HS3ST3A1: variants seen among roughly 807,000 people sequenced by gnomAD.
The protein encoded by HS3ST3A1 is heparan sulfate glucosamine 3-O-sulfotransferase 3A1.
Under a neutral mutation model 25.7 loss-of-function variants are expected in HS3ST3A1, and 19 were observed. The ratio of observed to expected loss-of-function variants is 0.74; its 90% CI spans 0.52 to 1.08. HS3ST3A1 has a LOEUF of 1.08. HS3ST3A1 is among the 50% of genes least tolerant of loss of function. The probability of loss-of-function intolerance (pLI) is 0.00; values close to 1 mark genes in which losing one functional copy is unlikely to be tolerated. For missense variants in HS3ST3A1, 459 were observed against 594.3 expected (o/e 0.77, Z 2.37); for synonymous variants, 226 against 278.6 (o/e 0.81, Z 1.88).
chr17:13,545,142 G>A (rs1429117655), intron 1 of HS3ST3A1, among the ~76,000 whole-genome samples: 1 of 152,188 alleles, frequency 6.6e-6, no homozygotes, highest in Non-Finnish European at 1.5e-5. Context: ...AGGCATGGAC[G>A]CCTTTATCTT....
intron 1 of HS3ST3A1, among the ~76,000 whole-genome samples, chr17:13,580,337 T>C (rs570763208): frequency 6.6e-6 from 1 of 152,234 alleles, no homozygotes; most frequent in Admixed American, 6.5e-5. Context: ...AAATGACACT[T>C]TGACTTTGAA....
At chr17:13,567,978 G>A (rs1200404285) in intron 1 of HS3ST3A1, among the ~76,000 whole-genome samples, 1 of 152,214 alleles carries the variant, frequency 6.6e-6, no homozygotes, top group Non-Finnish European at 1.5e-5. Flanking sequence ...GAGGTAAAAT[G>A]CTATCAAACA....
intron 1 of HS3ST3A1, among the ~76,000 whole-genome samples, chr17:13,560,089 A>G (rs1260732631): frequency 6.6e-6 from 1 of 151,746 alleles, no homozygotes; most frequent in African/African-American, 2.4e-5. Context: ...CAGGAGTTCA[A>G]GACCAGCCTG....
chr17:13,499,371 T>A (rs1405935269), intron 1 of HS3ST3A1, among the ~76,000 whole-genome samples: 1 of 152,236 alleles, frequency 6.6e-6, no homozygotes, highest in Non-Finnish European at 1.5e-5. Flanking sequence ...GAAGGAAATT[T>A]AATCAGATGC....
chr17:13,571,429 C>T (rs770283013), intron 1 of HS3ST3A1, among the ~76,000 whole-genome samples: 22 of 152,204 alleles, frequency 1.4e-4, no homozygotes, highest in Non-Finnish European at 2.5e-4. Flanking sequence ...AAGTGCTCTA[C>T]GCTTTGACGA....
chr17:13,578,613 T>G (rs922675045), intron 1 of HS3ST3A1, among the ~76,000 whole-genome samples: 2 of 151,154 alleles, frequency 1.3e-5, no homozygotes, highest in Admixed American at 1.3e-4. Context: ...GTCTGAAAAT[T>G]TATTCAATCT....
intron 1 of HS3ST3A1, among the ~76,000 whole-genome samples, chr17:13,529,500 G>A (rs1189051324): frequency 1.3e-5 from 2 of 152,132 alleles, no homozygotes; most frequent in Middle Eastern, 3.2e-3. Context: ...ACAGAGTCCT[G>A]TGGGTTTTTC....
chr17:13,600,664 T>C lies in HS3ST3A1; in HGVS notation c.466A>G (p.Ile156Val). 1 of 1,591,174 alleles carries C rather than the reference T, an allele frequency of 6.3e-7. No individual in the cohort carries two copies. The highest frequency in any genetic ancestry group is 1.1e-5 in the South Asian group (1 of 89,202). ...DEGSKQLPQAIIIGVKKGGTR... is the reference protein window; with the variant it reads ...DEGSKQLPQAVIIGVKKGGTR... ...CCGCCCTTCTTCACTCCGATGATGATGGCCTGCGGCAGCTGCTTGCTGCCT... is the reference window on the plus strand; with the variant it reads ...CCGCCCTTCTTCACTCCGATGATGACGGCCTGCGGCAGCTGCTTGCTGCCT... The change falls in exon 1 of 2, where the codon ATC (isoleucine) becomes GTC (valine). Residue 156 changes from isoleucine to valine, a missense_variant. Physicochemically the swap from Ile to Val is conservative, Grantham distance 29. This residue lies in a region of HS3ST3A1 where 346 missense variants were observed against 303.9 expected (regional missense o/e 1.14). Coordinates refer to ENST00000284110, the MANE Select transcript of HS3ST3A1 (RefSeq NM_006042.3).
chr17:13,531,995 A>C (rs556099964), intron 1 of HS3ST3A1, among the ~76,000 whole-genome samples: 1 of 152,310 alleles, frequency 6.6e-6, no homozygotes, highest in South Asian at 2.1e-4. Flanking sequence ...CAGGGAATCA[A>C]ATGGGATTCA....
rs17661499 is a variant in HS3ST3A1 at position 13,494,573 on chromosome 17, G to A, written c.*1624C>T. Among the ~76,000 whole-genome samples the A allele has an allele frequency of 0.12, 18,215 of 152,098 alleles. 1,233 individuals carry two copies. Among genetic ancestry groups the A allele is most frequent in the Middle Eastern group, 0.2 (58 of 294 alleles). Reference sequence around the variant, plus strand: ...GAATATTATTTTAGAGTGTCTGGTCGTTTAAATTTTGGCAGATAAAGAAAA... The same window carrying A: ...GAATATTATTTTAGAGTGTCTGGTCATTTAAATTTTGGCAGATAAAGAAAA... On this transcript the variant is annotated 3_prime_UTR_variant, in exon 2 of 2. Coordinates refer to ENST00000284110, the MANE Select transcript of HS3ST3A1 (RefSeq NM_006042.3).
At chr17:13,513,824 G>C (rs1905959648) in intron 1 of HS3ST3A1, among the ~76,000 whole-genome samples, 1 of 152,212 alleles carries the variant, frequency 6.6e-6, no homozygotes, top group Non-Finnish European at 1.5e-5. Context: ...AGAAATGAAG[G>C]CATGAGTATT....
chr17:13,540,652 G>GGC (rs1237514877), intron 1 of HS3ST3A1, among the ~76,000 whole-genome samples: 1 of 152,144 alleles, frequency 6.6e-6, no homozygotes, highest in Non-Finnish European at 1.5e-5. Context: ...CTTAAGGAGA[G>GGC]GTGTGACTTA....
intron 1 of HS3ST3A1, among the ~76,000 whole-genome samples, chr17:13,548,990 C>G (rs762038750): frequency 6.6e-6 from 1 of 152,218 alleles, no homozygotes; most frequent in African/African-American, 2.4e-5. Flanking sequence ...GCCACCCGAG[C>G]CCGCAGCAGC....
intron 1 of HS3ST3A1, among the ~76,000 whole-genome samples, chr17:13,563,042 G>C (rs1281543857): frequency 6.6e-6 from 1 of 151,170 alleles, no homozygotes; most frequent in Non-Finnish European, 1.5e-5. Context: ...ATAGATTCTT[G>C]AAGGTCCACG....
chr17:13,560,289 C>CAA (rs10632927), intron 1 of HS3ST3A1, among the ~76,000 whole-genome samples: 910 of 17,340 alleles, frequency 0.052, 277 homozygotes, highest in African/African-American at 0.063. Context: ...CACTCGTCTC[C>CAA]AAAAAAAAAA....
intron 1 of HS3ST3A1, among the ~76,000 whole-genome samples, chr17:13,530,199 A>G (rs1906562687): frequency 6.6e-6 from 1 of 152,218 alleles, no homozygotes; most frequent in South Asian, 2.1e-4. Context: ...CCTAAAATAT[A>G]GTTCTTATTT....
At chr17:13,543,608 C>T (rs1906998517) in intron 1 of HS3ST3A1, 2 of 165,406 alleles carry the variant, frequency 1.2e-5, no homozygotes, top group South Asian at 2.1e-4. Context: ...ACAAAAACCG[C>T]GATTACTTTT....
Position 13,601,060 on chromosome 17 carries a change from T to C in HS3ST3A1, c.70A>G (p.Lys24Glu), listed in dbSNP as rs1908722714. The change falls in exon 1 of 2, where the codon AAG becomes GAG. Residue 24 changes from lysine to glutamate, a missense_variant. Lys to Glu is a moderately conservative substitution (Grantham distance 56). Around this residue, in one of 3 missense-constraint regions of HS3ST3A1, gnomAD observed 346 missense variants for 303.9 expected, o/e 1.14. Coordinates refer to ENST00000284110, the MANE Select transcript of HS3ST3A1 (RefSeq NM_006042.3). ...AGGGAGCAGAGCATCAGCAAGAACT[T>C]CCGGAAGATGCTGCGGGACAGCGGC... ...AEPLSRSIFR[K>E]FLLMLCSLLT... 1.3e-6 allele frequency: 2 copies of C among 1,598,758 alleles called. No individual in the cohort carries two copies. The highest frequency in any genetic ancestry group is 2.7e-5 in the African/African-American group (2 of 73,844).
chr17:13,578,019 A>G (rs1053892518), intron 1 of HS3ST3A1, among the ~76,000 whole-genome samples: 1 of 152,220 alleles, frequency 6.6e-6, no homozygotes, highest in African/African-American at 2.4e-5. Context: ...AGATTTAAAA[A>G]ATGCATATAT....
Sources: gnomAD v4.1 joint callset for allele counts (sites outside exome capture counted in the v4.1 genomes callset) on GRCh38, gnomAD v4.1.1 for gene constraint, gnomAD v4.1.1 regional missense constraint, MANE v1.5 for transcripts, NCBI Gene and HGNC (gene_info 2026-07-23, HGNC 2026-07-21) for gene names.